The following HMCN1 variants were observed in gnomAD, a reference collection of about 807,000 sequenced individuals.
HMCN1 encodes the protein hemicentin 1.
A neutral mutation model predicts 625.9 loss-of-function variants in HMCN1; 321 were observed. That is an observed-to-expected ratio of 0.51 (90% CI 0.47 to 0.56). The LOEUF (loss-of-function observed/expected upper bound fraction) is 0.56. Ranked by LOEUF, HMCN1 falls within the 20% of genes least tolerant of loss-of-function variation. HMCN1 has a pLI of 0.00. For synonymous variants in HMCN1, 2,425 were observed against 2,417.6 expected, an observed-to-expected ratio of 1.00 and a Z score of -0.09; for missense variants, 6,588 against 6,887.3, an observed-to-expected ratio of 0.96 and a Z score of 1.54.
At chr1:185,813,598 A>G (rs928750574) in intron 1 of HMCN1, among the ~76,000 whole-genome samples, 11 of 152,154 alleles carry the variant, frequency 7.2e-5, no homozygotes, top group African/African-American at 2.4e-4. Flanking sequence ...CCAATGCTGA[A>G]TAACATGGCC....
chr1:185,815,719 CAAT>C (rs1205979092), intron 1 of HMCN1, among the ~76,000 whole-genome samples: 1 of 149,816 alleles, frequency 6.7e-6, no homozygotes, highest in Non-Finnish European at 1.5e-5. Flanking sequence ...ACATTAGTGA[CAAT>C]GATGTGAGTA....
intron 62 of HMCN1, 143 bp from the exon 63 acceptor site, chr1:186,088,463 A>AT (rs1485936110): frequency 3.0e-6 from 4 of 1,336,678 alleles, no homozygotes; most frequent in South Asian, 1.4e-5. Flanking sequence ...TTTATAAAGA[A>AT]TTTTTTCTTT....
chr1:186,037,208 A>G (rs1000750166), intron 36 of HMCN1, among the ~76,000 whole-genome samples: 1 of 152,042 alleles, frequency 6.6e-6, no homozygotes, highest in Non-Finnish European at 1.5e-5. Flanking sequence ...TTCTTCAAAC[A>G]AGACAGAACC....
intron 4 of HMCN1, among the ~76,000 whole-genome samples, chr1:185,880,970 T>TTTTGGGCACCAGCAGGAGCAAAATC (rs1664269048): frequency 6.6e-6 from 1 of 152,208 alleles, no homozygotes; most frequent in Non-Finnish European, 1.5e-5. Flanking sequence ...GAGCGAGTGC[T>TTTTGGGCACCAGCAGGAGCAAAATC]TTTGGGCACC....
intron 4 of HMCN1, among the ~76,000 whole-genome samples, chr1:185,905,679 A>G (rs947804678): frequency 2.0e-5 from 3 of 151,842 alleles, no homozygotes; most frequent in Non-Finnish European, 4.4e-5. Flanking sequence ...CTTTAAAACT[A>G]TAGTTGTATC....
intron 1 of HMCN1, among the ~76,000 whole-genome samples, chr1:185,738,257 T>A (rs1287409025): frequency 5.3e-5 from 8 of 152,164 alleles, no homozygotes; most frequent in African/African-American, 1.9e-4. Flanking sequence ...TTGTAGAACA[T>A]CTTCATTACC....
chr1:186,165,010 T>C, intron 97 of HMCN1, 101 bp from the exon 98 acceptor site: 1 of 1,032,066 alleles, frequency 9.7e-7, no homozygotes, highest in South Asian at 1.3e-5. Flanking sequence ...GCATCATGTG[T>C]TTCATCTTTG....
intron 64 of HMCN1, among the ~76,000 whole-genome samples, chr1:186,092,443 G>C (rs1197541455): frequency 6.6e-6 from 1 of 151,672 alleles, no homozygotes; most frequent in Non-Finnish European, 1.5e-5. Context: ...TTTGACACAG[G>C]GTAATTCTAA....
Position 185,907,615 on chromosome 1 carries a change from C to A in HMCN1, c.622-1722C>A, listed in dbSNP as rs990196472. On this transcript the variant is annotated intron_variant, in intron 4 of 106. Transcript: ENST00000271588. ...CTCTCTTCTGTCTGGTTTGAATTTG[C>A]CTCTTTTTTTATTTACAGAAAACAT... 2.6e-5 allele frequency among the ~76,000 whole-genome samples: 4 copies of A among 152,076 alleles called. No homozygotes were observed. In the East Asian group the frequency reaches 7.7e-4, roughly 29 times the overall value.
intron 30 of HMCN1, among the ~76,000 whole-genome samples, chr1:186,011,311 T>C (rs1275651480): frequency 4.6e-5 from 7 of 152,232 alleles, no homozygotes. Context: ...TGCCAAGTGC[T>C]GGGATTACAG....
chr1:186,010,059 C>T (rs6658592), intron 30 of HMCN1, among the ~76,000 whole-genome samples: 53,021 of 151,904 alleles, frequency 0.35, 11,246 homozygotes, highest in Non-Finnish European at 0.47. Context: ...CTTGCTCGTC[C>T]GTCACCTCCT....
rs1659677712 is a variant in HMCN1, at chr1:186,088,770, C to G, written c.9727+15C>G. 6.3e-7 allele frequency: 1 copy of G among 1,598,672 alleles called. No homozygotes were observed. ...TTCAATTCAAGGTATGTATTGTCCACTATGATCTATCTTCAATTTCTTTGT... is the reference window on the plus strand; with the variant it reads ...TTCAATTCAAGGTATGTATTGTCCAGTATGATCTATCTTCAATTTCTTTGT... On this transcript the variant is annotated intron_variant, in intron 63 of 106. Transcript: ENST00000271588.
intron 10 of HMCN1, among the ~76,000 whole-genome samples, chr1:185,928,898 G>A (rs72703023): frequency 0.14 from 20,572 of 152,004 alleles, 3,876 homozygotes; most frequent in African/African-American, 0.43. Flanking sequence ...AACTGTAAAA[G>A]AAAGCATAAT....
In HMCN1 at chr1:186,053,862, A is replaced by G; in HGVS notation, c.6738A>G (p.Arg2246=). 6.2e-7 allele frequency: 1 copy of G among 1,612,708 alleles called. No individual in the cohort carries two copies. The highest frequency in any genetic ancestry group is 1.7e-4 in the Middle Eastern group (1 of 6,054). ...PVLTDSMGRV[R]ILSGGRQLQI... is the part of the protein sequence containing the mutation. ...TGACTGATTCCATGGGGCGAGTTAG[A>G]ATTTTATCTGGGGGCAGGCAATTAC... is the stretch of plus-strand genomic sequence containing the variant. Residue 2246 remains arginine, a synonymous_variant, in exon 44 of 107, where the codon AGA becomes AGG. Transcript: ENST00000271588.
rs187135358 is a variant in HMCN1, at chr1:186,055,989, C to A, written c.7144+315C>A. ...CTGTTTTTTATGTTTTCCAAATTTG[C>A]TGACTTAACTGGGCTTGTATAAACG... is the stretch of plus-strand genomic sequence containing the variant. On this transcript the variant is annotated intron_variant, in intron 45 of 106. Coordinates refer to ENST00000271588, the MANE Select transcript of HMCN1 (RefSeq NM_031935.3). 3.2e-4 allele frequency among the ~76,000 whole-genome samples: 48 copies of A among 152,086 alleles called. No individual in the cohort carries two copies. The East Asian group carries it at 6.8e-3, about 21-fold the overall frequency.
At chr1:185,905,704 A>G (rs1476713291) in intron 4 of HMCN1, among the ~76,000 whole-genome samples, 1 of 151,832 alleles carries the variant, frequency 6.6e-6, no homozygotes, top group Non-Finnish European at 1.5e-5. Context: ...TTTAGAGTTG[A>G]GTAGATATAT....
intron 60 of HMCN1, 119 bp from the exon 61 acceptor site, chr1:186,087,813 G>A (rs1349122779): frequency 1.3e-5 from 15 of 1,141,516 alleles, no homozygotes; most frequent in Non-Finnish European, 1.8e-5. Context: ...GATTGCAGAA[G>A]GCAATTAGAA....
rs186861718 is a variant in HMCN1, at chr1:186,123,594, T to C, written c.12499+374T>C. On this transcript the variant is annotated intron_variant, in intron 81 of 106. Transcript: ENST00000271588. ...CAAATGAATCATCATATGACCTACATTGTATGATTTGACTCTAATGAGAAT... is the reference window on the plus strand; with the variant it reads ...CAAATGAATCATCATATGACCTACACTGTATGATTTGACTCTAATGAGAAT... 9.5e-4 allele frequency among the ~76,000 whole-genome samples: 145 copies of C among 152,328 alleles called. 1 individual carries two copies. Among genetic ancestry groups the C allele is most frequent in the African/African-American group, 3.3e-3 (139 of 41,596 alleles).
At chr1:185,831,547 A>T (rs1190132130) in intron 1 of HMCN1, among the ~76,000 whole-genome samples, 1 of 152,170 alleles carries the variant, frequency 6.6e-6, no homozygotes. Context: ...ATGCAATTAG[A>T]TAAAAGAAAG....
Sources: gnomAD v4.1 joint callset for allele counts (sites outside exome capture counted in the v4.1 genomes callset) on GRCh38, gnomAD v4.1.1 for gene constraint, MANE v1.5 for transcripts, NCBI Gene and HGNC (gene_info 2026-07-23, HGNC 2026-07-21) for gene names.